The following OTOG variants were observed in gnomAD, a reference collection of about 807,000 sequenced individuals.
The protein encoded by OTOG is otogelin.
Under a neutral mutation model 313.8 loss-of-function variants are expected in OTOG, and 296 were observed. That is an observed-to-expected ratio of 0.94 (90% CI 0.86 to 1.04). OTOG has a LOEUF of 1.04. OTOG is among the 50% of genes least tolerant of loss of function. The pLI is 0.00. For synonymous variants in OTOG, 1,533 were observed against 1,554.9 expected, an observed-to-expected ratio of 0.99 and a Z score of 0.33; for missense variants, 3,948 against 3,840.1, an observed-to-expected ratio of 1.03 and a Z score of -0.74.
intron 39 of OTOG, among the ~76,000 whole-genome samples, chr11:17,617,607 A>T (rs1197363979): frequency 6.6e-6 from 1 of 152,156 alleles, no homozygotes; most frequent in Non-Finnish European, 1.5e-5. Flanking sequence ...TGTTCATCAT[A>T]TATTCTTGCT....
chr11:17,596,227 T>A (rs997078123), intron 29 of OTOG, 73 bp downstream of exon 29: 1 of 1,079,016 alleles, frequency 9.3e-7, no homozygotes, highest in African/African-American at 1.6e-5. Flanking sequence ...GCTCTCAGAC[T>A]CCCCCATGTC....
intron 39 of OTOG, among the ~76,000 whole-genome samples, chr11:17,622,340 C>T (rs948981220): frequency 5.3e-5 from 8 of 151,984 alleles, no homozygotes; most frequent in Middle Eastern, 6.8e-3. Flanking sequence ...ATGGGATATC[C>T]CTCCCCTCAA....
rs143137624 is a variant in OTOG at position 17,607,964 on chromosome 11, G to A, written c.4157-332G>A. On this transcript the variant is annotated intron_variant, in intron 33 of 55. Coordinates refer to ENST00000399397, the MANE Select transcript of OTOG (RefSeq NM_001292063.2). ...GGGTGGCAGGGCATCCCAAGGGAGA[G>A]ATCAGGGGTCCAGGCCTCTTCTTCG... Among the ~76,000 whole-genome samples, 918 of 152,204 alleles carry A rather than the reference G, an allele frequency of 6.0e-3. 6 individuals are homozygous for A. The highest frequency in any genetic ancestry group is 9.5e-3 in the Non-Finnish European group (646 of 67,982).
chr11:17,579,140 C>T (rs77252386), intron 23 of OTOG, among the ~76,000 whole-genome samples: 2,531 of 152,256 alleles, frequency 0.017, 77 homozygotes, highest in African/African-American at 0.058. Context: ...ATTCTCATTC[C>T]CAGGTCTGGG....
chr11:17,630,132 CAACACATATTG>C (rs1854083351), intron 40 of OTOG, among the ~76,000 whole-genome samples: 1 of 152,146 alleles, frequency 6.6e-6, no homozygotes, highest in African/African-American at 2.4e-5. Context: ...TTCCTTTGTG[CAACACATATTG>C]CCATGTACCA....
intron 14 of OTOG, 72 bp downstream of exon 14, chr11:17,561,209 G>C: frequency 1.3e-6 from 2 of 1,516,702 alleles, no homozygotes; most frequent in Non-Finnish European, 9.0e-7. Flanking sequence ...AGGAATCTCT[G>C]GGGGCCAGGC....
At chr11:17,594,956 G>A (rs978509046) in intron 28 of OTOG, among the ~76,000 whole-genome samples, 5 of 152,212 alleles carry the variant, frequency 3.3e-5, no homozygotes, top group Non-Finnish European at 5.9e-5. Flanking sequence ...GCTGGAAGGA[G>A]GACTGTGATC....
chr11:17,584,605 A>C (rs1852751311), intron 23 of OTOG, among the ~76,000 whole-genome samples: 1 of 151,936 alleles, frequency 6.6e-6, no homozygotes, highest in Non-Finnish European at 1.5e-5. Context: ...GACTCACTGC[A>C]ACCTCCACCT....
chr11:17,616,559 GT>G (rs1853725876), intron 39 of OTOG, among the ~76,000 whole-genome samples: 1 of 151,882 alleles, frequency 6.6e-6, no homozygotes, highest in African/African-American at 2.4e-5. Context: ...TTTTATTTGT[GT>G]TTTGTAGTTT....
At chr11:17,591,627 A>G (rs1385696365) in intron 25 of OTOG, 39 bp downstream of exon 25, 2 of 1,548,278 alleles carry the variant, frequency 1.3e-6, no homozygotes, top group East Asian at 4.9e-5. Context: ...GGCTCCATGC[A>G]CAGCTGTCAG....
intron 4 of OTOG, 30 bp downstream of exon 4, chr11:17,552,105 GT>G (rs1565087497): frequency 6.5e-7 from 1 of 1,545,296 alleles, no homozygotes; most frequent in East Asian, 2.4e-5. Flanking sequence ...TGGTCCATGG[GT>G]TGTGCATGGG....
intron 31 of OTOG, 30 bp from the exon 32 acceptor site, chr11:17,602,180 C>T: frequency 6.5e-7 from 1 of 1,547,954 alleles, no homozygotes; most frequent in Non-Finnish European, 8.7e-7. Flanking sequence ...GCCATGGGGC[C>T]AGGTTGCTGA....
chr11:17,611,249 GCCTCAGCTGGCTGAGGC>G lies in OTOG; in HGVS notation c.5952_5968del (p.Gln1985TrpfsTer43). 1 of 1,550,512 alleles carries G rather than the reference GCCTCAGCTGGCTGAGGC, an allele frequency of 6.4e-7. No individual in the cohort carries two copies. The stretch of plus-strand genomic sequence containing the variant: ...CCCAAGACAGCATGCTGGTTCTGTT[GCCTCAGCTGGCTGAGGC>G]CCATGGAACCTCGGCAGGGCCTCAC... On this transcript the variant is annotated frameshift_variant, in exon 36 of 56. Transcript: ENST00000399397. LOFTEE classifies it high-confidence loss of function.
chr11:17,576,834 G>T (rs1420013796), intron 21 of OTOG, 34 bp from the exon 22 acceptor site: 3 of 1,549,238 alleles, frequency 1.9e-6, no homozygotes, highest in Non-Finnish European at 2.6e-6. Context: ...CAGTGACTGG[G>T]TCGGCTAACC....
At chr11:17,639,496 G>A (rs969979246) in intron 49 of OTOG, 33 bp downstream of exon 49, 15 of 1,547,510 alleles carry the variant, frequency 9.7e-6, no homozygotes, top group Non-Finnish European at 1.3e-5. Flanking sequence ...ACACTCCCTG[G>A]TCTGCTCCCC....
intron 24 of OTOG, among the ~76,000 whole-genome samples, chr11:17,590,627 C>G (rs1852908557): frequency 6.6e-6 from 1 of 152,204 alleles, no homozygotes; most frequent in South Asian, 2.1e-4. Flanking sequence ...ATCAAGTCTT[C>G]CAATGCCCAC....
At chr11:17,596,797 C>A in intron 29 of OTOG, 54 bp from the exon 30 acceptor site, 2 of 1,473,986 alleles carry the variant, frequency 1.4e-6, no homozygotes, top group South Asian at 1.3e-5. Flanking sequence ...TGAAAAGATG[C>A]AGATCTGACA....
At chr11:17,567,990 C>T (rs1852324083) in intron 15 of OTOG, among the ~76,000 whole-genome samples, 1 of 152,126 alleles carries the variant, frequency 6.6e-6, no homozygotes, top group African/African-American at 2.4e-5. Flanking sequence ...TCACTGCAAG[C>T]TCCGCCTCCC....
rs1853502881 is a variant in OTOG, at chr11:17,610,462, T to C, written c.5162T>C (p.Leu1721Pro). 1 of 1,550,530 alleles carries C rather than the reference T, an allele frequency of 6.4e-7. No homozygotes were observed. Among genetic ancestry groups the C allele is most frequent in the Non-Finnish European group, 8.7e-7 (1 of 1,146,952 alleles). The change falls in exon 36 of 56, where the codon CTA becomes CCA. Residue 1721 changes from leucine (L) to proline (P), a missense_variant. Coordinates refer to ENST00000399397, the MANE Select transcript of OTOG (RefSeq NM_001292063.2). ...GCAACCAGGAGCTTGGAGATAGTGC[T>C]ATCCACAGAGAAGGGCGAAGCCGGG... is the stretch of plus-strand genomic sequence containing the variant. ...PLATRSLEIVLSTEKGEAGHS... is the reference protein window; with the variant it reads ...PLATRSLEIVPSTEKGEAGHS...
Sources: gnomAD v4.1 joint callset for allele counts (sites outside exome capture counted in the v4.1 genomes callset) on GRCh38, gnomAD v4.1.1 for gene constraint, MANE v1.5 for transcripts, NCBI Gene and HGNC (gene_info 2026-07-23, HGNC 2026-07-21) for gene names.